DGKK: variants seen among roughly 807,000 people sequenced by gnomAD.
The protein encoded by DGKK is diacylglycerol kinase kappa.
Under a neutral mutation model 92.2 loss-of-function variants are expected in DGKK, and 35 were observed. The observed-to-expected ratio is 0.38, with a 90% confidence interval of 0.29 to 0.50. The LOEUF (loss-of-function observed/expected upper bound fraction) is 0.50, where lower values mean the gene tolerates loss of function less well. DGKK is among the 20% of genes least tolerant of loss of function. The pLI is 0.92. For synonymous variants in DGKK, 368 were observed against 360.6 expected (o/e 1.02, Z -0.23); for missense variants, 910 against 992.2 (o/e 0.92, Z 1.11).
chrX:50,402,822 T>G (rs782003375), intron 7 of DGKK, among the ~76,000 whole-genome samples: 1 of 111,710 alleles, frequency 9.0e-6, no homozygotes, highest in African/African-American at 3.2e-5. Context: ...TTCCCATTTG[T>G]TAGTAGGCCT....
At chrX:50,444,140 A>G (rs1376792389) in intron 1 of DGKK, among the ~76,000 whole-genome samples, 1 of 111,299 alleles carries the variant, frequency 9.0e-6, no homozygotes, top group Non-Finnish European at 1.9e-5. Flanking sequence ...ACATTTCTGC[A>G]TGAAAATAAG....
rs782483621 is a variant in DGKK, at chrX:50,429,666, A to G, written c.646-5308T>C. 1.2e-3 allele frequency among the ~76,000 whole-genome samples: 140 copies of G among 112,416 alleles called. 1 individual carries two copies. The highest frequency in any genetic ancestry group is 3.6e-3 in the African/African-American group (111 of 31,008). On this transcript the variant is annotated intron_variant, in intron 1 of 27. Transcript: ENST00000611977. ...ATCGCGCCACTGCACTCCAGCCTGG[A>G]AGACAGCGCAAGACTCCGTCACACA... is the stretch of plus-strand genomic sequence containing the variant.
chrX:50,454,879 C>G, intron 1 of DGKK, among the ~76,000 whole-genome samples: 1 of 111,990 alleles, frequency 8.9e-6, no homozygotes, highest in South Asian at 3.8e-4. Flanking sequence ...ACAAGAAAAG[C>G]CTCCTCCATC....
In DGKK at chrX:50,379,620, T is replaced by G. The variant is rs373169688; in HGVS notation, c.2862+7A>C. ...TTCTTCCTCCCCATTCCTTGTTCCA[T>G]ACTAACCGTGGTTGCTGTGTTGCTT... On this transcript the variant is annotated splice_region_variant and intron_variant, in intron 20 of 27. Coordinates refer to ENST00000611977, the MANE Select transcript of DGKK (RefSeq NM_001013742.4). 23 of 1,196,539 alleles carry G rather than the reference T, an allele frequency of 1.9e-5. No individual in the cohort carries two copies. In the African/African-American group the frequency reaches 3.5e-4, roughly 18 times the overall value.
chrX:50,381,594 C>T (rs1458209320), intron 18 of DGKK, among the ~76,000 whole-genome samples: 7 of 112,111 alleles, frequency 6.2e-5, no homozygotes, highest in Non-Finnish European at 1.1e-4. Flanking sequence ...AAAATTAACT[C>T]AAAGTAGATC....
chrX:50,386,334 T>G, intron 15 of DGKK, 24 bp downstream of exon 15: 2 of 1,155,632 alleles, frequency 1.7e-6, no homozygotes, highest in Non-Finnish European at 2.4e-6. Flanking sequence ...CCTACCTCAG[T>G]CACTACAACC....
intron 15 of DGKK, among the ~76,000 whole-genome samples, chrX:50,385,137 T>C (rs1301511234): frequency 1.8e-5 from 2 of 111,736 alleles, no homozygotes; most frequent in African/African-American, 3.3e-5. Context: ...GAGTAGAAGC[T>C]TGTGGCTGTG....
Position 50,404,065 on chromosome X carries a change from A to T in DGKK, c.1062T>A (p.Asp354Glu), listed in dbSNP as rs1557226961. Reference protein sequence around the residue: ...CRESIPALSRDAIICEVCKVK... With the variant: ...CRESIPALSREAIICEVCKVK... Reference sequence around the variant, plus strand: ...GAAAGGTACCTTCACAGATGATGGCATCTCTAGATAAGGCAGGAATGCTCT... The same window carrying T: ...GAAAGGTACCTTCACAGATGATGGCTTCTCTAGATAAGGCAGGAATGCTCT... Residue 354 changes from aspartate to glutamate, a missense_variant, in exon 5 of 28, where the codon GAT becomes GAA. By Grantham distance (45) the Asp-to-Glu change is conservative (BLOSUM62 2). Transcript: ENST00000611977. 1 of 1,210,989 alleles carries T rather than the reference A, an allele frequency of 8.3e-7. No individual in the cohort carries two copies. The highest frequency in any genetic ancestry group is 2.2e-5 in the Admixed American group (1 of 45,929).
At chrX:50,467,000 T>G (rs1406203428) in intron 1 of DGKK, among the ~76,000 whole-genome samples, 1 of 111,975 alleles carries the variant, frequency 8.9e-6, no homozygotes, top group Non-Finnish European at 1.9e-5. Context: ...GTGATTTTCA[T>G]TTCATAGCTG....
At chrX:50,410,920 C>A (rs1925287642) in intron 4 of DGKK, among the ~76,000 whole-genome samples, 1 of 110,877 alleles carries the variant, frequency 9.0e-6, no homozygotes, top group Non-Finnish European at 1.9e-5. Context: ...CACTTGGGGT[C>A]AGTAAGAAAC....
chrX:50,450,355 C>T (rs1926468109), intron 1 of DGKK, among the ~76,000 whole-genome samples: 1 of 111,906 alleles, frequency 8.9e-6, no homozygotes, highest in African/African-American at 3.2e-5. Flanking sequence ...ACACAGAGCA[C>T]CAACTCAGAT....
At chrX:50,457,733 T>C (rs782153532) in intron 1 of DGKK, among the ~76,000 whole-genome samples, 7 of 111,767 alleles carry the variant, frequency 6.3e-5, no homozygotes, top group Non-Finnish European at 1.3e-4. Context: ...CTTGGAACAA[T>C]TTTGCTGCTT....
chrX:50,371,860 G>A, intron 25 of DGKK, 26 bp from the exon 26 acceptor site: 6 of 1,011,371 alleles, frequency 5.9e-6, no homozygotes, highest in Non-Finnish European at 6.9e-6. Context: ...AAAAGAGTAA[G>A]TGTCCAATGC....
chrX:50,412,056 T>A (rs893489393), intron 4 of DGKK, among the ~76,000 whole-genome samples: 2 of 111,762 alleles, frequency 1.8e-5, no homozygotes, highest in South Asian at 7.6e-4. Flanking sequence ...ACATCTGAAA[T>A]GCCCCAATGA....
chrX:50,388,208 C>T (rs1924597323), intron 13 of DGKK, among the ~76,000 whole-genome samples: 1 of 111,919 alleles, frequency 8.9e-6, no homozygotes, highest in Non-Finnish European at 1.9e-5. Context: ...TTCTTAATGT[C>T]AAAGACGGAA....
chrX:50,412,334 G>C (rs1925324179), intron 4 of DGKK, among the ~76,000 whole-genome samples: 1 of 112,223 alleles, frequency 8.9e-6, no homozygotes, highest in Non-Finnish European at 1.9e-5. Context: ...GGAAAGATAT[G>C]CTGTGTTCAT....
At chrX:50,371,907 C>T (rs782815969) in intron 25 of DGKK, 73 bp from the exon 26 acceptor site, 23 of 649,763 alleles carry the variant, frequency 3.5e-5, no homozygotes, top group Non-Finnish European at 5.2e-5. Context: ...CTCCCCCACT[C>T]CCAGTCCCTG....
chrX:50,384,587 G>A lies in DGKK; in HGVS notation c.2452+133C>T, dbSNP rs1330254748. ...ATGGGATCTTATAGTGTGAGTTTCT[G>A]GGAAAGACGGAGGGGTATCTACTGC... On this transcript the variant is annotated intron_variant, in intron 16 of 27. Transcript: ENST00000611977. 5.4e-6 allele frequency: 3 copies of A among 552,907 alleles called. No homozygotes were observed. In the African/African-American group the frequency reaches 7.0e-5, roughly 13 times the overall value. 45.6% of individuals were successfully genotyped at this position (552,907 alleles called of 1,213,427 possible).
chrX:50,392,153 T>C (rs782427214), intron 10 of DGKK, among the ~76,000 whole-genome samples, 188 bp downstream of exon 10: 1 of 112,360 alleles, frequency 8.9e-6, no homozygotes, highest in Non-Finnish European at 1.9e-5. Context: ...GTCACACAGA[T>C]AGACAACCAG....
Sources: gnomAD v4.1 joint callset for allele counts (sites outside exome capture counted in the v4.1 genomes callset) on GRCh38, gnomAD v4.1.1 for gene constraint, MANE v1.5 for transcripts, NCBI Gene and HGNC (gene_info 2026-07-23, HGNC 2026-07-21) for gene names.